The following PVT1 variants were observed in gnomAD, a reference collection of about 807,000 sequenced individuals.
PVT1 encodes the protein CXCR4/PVT1 fusion.
chr8:127,861,259 TTG>T (rs1256606713), intron 2 of PVT1, among the ~76,000 whole-genome samples: 1 of 152,212 alleles, frequency 6.6e-6, no homozygotes, highest in Non-Finnish European at 1.5e-5. Flanking sequence ...GTTGGGCCAC[TTG>T]TTTCTGATGG....
At chr8:127,942,060 A>G (rs143099583) in intron 3 of PVT1, among the ~76,000 whole-genome samples, 14 of 152,236 alleles carry the variant, frequency 9.2e-5, no homozygotes, top group Non-Finnish European at 2.1e-4. Context: ...AGGCCCACAG[A>G]TGTTGGGCCC....
At chr8:127,894,987 A>G (rs1288487910) in intron 3 of PVT1, among the ~76,000 whole-genome samples, 1 of 152,208 alleles carries the variant, frequency 6.6e-6, no homozygotes, top group Non-Finnish European at 1.5e-5. Flanking sequence ...ACAATCCTAT[A>G]ATTTGGCTCA....
chr8:128,012,817 A>G (rs912230777), intron 4 of PVT1, among the ~76,000 whole-genome samples: 1 of 152,076 alleles, frequency 6.6e-6, no homozygotes, highest in Non-Finnish European at 1.5e-5. Context: ...TGCAAAATCT[A>G]CTAATATCCA....
At chr8:127,987,711 A>T (rs1005444542) in intron 3 of PVT1, among the ~76,000 whole-genome samples, 3 of 152,210 alleles carry the variant, frequency 2.0e-5, no homozygotes, top group African/African-American at 7.2e-5. Context: ...TAGAACTGGG[A>T]CACCAACCCA....
rs76737686 is a variant in PVT1, at chr8:127,995,482, A to G, written n.912+6191A>G. On this transcript the variant is annotated intron_variant and non_coding_transcript_variant, in intron 4 of 10. Coordinates refer to ENST00000651587, the Ensembl canonical transcript of PVT1. ...CCCCCCACATTATAGGAATCTATCCATTTCTTTGTTCATTTCTTTAATTGT... is the reference window on the plus strand; with the variant it reads ...CCCCCCACATTATAGGAATCTATCCGTTTCTTTGTTCATTTCTTTAATTGT... Among the ~76,000 whole-genome samples the G allele has an allele frequency of 6.3e-3, 960 of 152,228 alleles. 14 individuals are homozygous for G. Among genetic ancestry groups the G allele is most frequent in the African/African-American group, 0.022 (926 of 41,528 alleles).
intron 2 of PVT1, among the ~76,000 whole-genome samples, chr8:127,884,845 C>A (rs1279609131): frequency 6.6e-6 from 1 of 152,190 alleles, no homozygotes; most frequent in Non-Finnish European, 1.5e-5. Context: ...AGCATCAGGG[C>A]AGTCCTTGCC....
chr8:127,952,986 G>A (rs10109391), intron 3 of PVT1, among the ~76,000 whole-genome samples: 49,780 of 151,790 alleles, frequency 0.33, 8,316 homozygotes, highest in East Asian at 0.49. Context: ...GGATGGTCTC[G>A]ATCTCCTGCC....
At chr8:128,095,053 G>C (rs867596226) in intron 5 of PVT1, among the ~76,000 whole-genome samples, 29 of 152,218 alleles carry the variant, frequency 1.9e-4, no homozygotes, top group African/African-American at 6.8e-4. Context: ...TGCTTTGGGC[G>C]TTTTAAAACT....
At chr8:127,847,218 G>C (rs1179168799) in intron 2 of PVT1, among the ~76,000 whole-genome samples, 1 of 90,342 alleles carries the variant, frequency 1.1e-5, no homozygotes, top group Non-Finnish European at 2.2e-5. Flanking sequence ...GGCCAGGATA[G>C]TCGAACTCTT....
intron 4 of PVT1, among the ~76,000 whole-genome samples, chr8:128,022,804 A>G (rs1357170315): frequency 1.3e-5 from 2 of 151,874 alleles, no homozygotes; most frequent in African/African-American, 4.8e-5. Flanking sequence ...CATTCCCTGT[A>G]TCTCATTCTG....
At chr8:127,810,915 CAT>C (rs1433368134) in intron 2 of PVT1, among the ~76,000 whole-genome samples, 1 of 152,232 alleles carries the variant, frequency 6.6e-6, no homozygotes, top group African/African-American at 2.4e-5. Context: ...CTCCCAGCAC[CAT>C]GTGTGTGAGT....
intron 2 of PVT1, among the ~76,000 whole-genome samples, chr8:127,853,402 C>T (rs534142744): frequency 5.8e-4 from 89 of 152,252 alleles, no homozygotes; most frequent in African/African-American, 2.1e-3. Context: ...CTCTTTAGCT[C>T]AGTCCAGTTG....
chr8:127,998,960 C>T (rs1485652949), intron 4 of PVT1, among the ~76,000 whole-genome samples: 1 of 152,022 alleles, frequency 6.6e-6, no homozygotes, highest in African/African-American at 2.4e-5. Context: ...ATAGAATCAG[C>T]CATTTCTTCA....
intron 2 of PVT1, among the ~76,000 whole-genome samples, chr8:127,885,328 A>G (rs1173812207): frequency 6.6e-6 from 1 of 152,022 alleles, no homozygotes; most frequent in African/African-American, 2.4e-5. Flanking sequence ...GTTTATTGCA[A>G]CCTGTCACAG....
At chr8:127,840,323 T>C (rs1283398589) in intron 2 of PVT1, among the ~76,000 whole-genome samples, 1 of 152,180 alleles carries the variant, frequency 6.6e-6, no homozygotes, top group African/African-American at 2.4e-5. Flanking sequence ...TCCTCCAATG[T>C]CTTCAGAGGA....
chr8:127,826,244 G>A (rs1814787570), intron 2 of PVT1, among the ~76,000 whole-genome samples: 1 of 151,850 alleles, frequency 6.6e-6, no homozygotes, highest in Non-Finnish European at 1.5e-5. Context: ...CTGTAAAATG[G>A]GAATAATAAT....
chr8:127,932,563 A>G (rs994916485), intron 3 of PVT1: 4 of 398,464 alleles, frequency 1.0e-5, no homozygotes, highest in Admixed American at 4.4e-5. Context: ...CCAGCCTGCT[A>G]TGGAAGCATC....
chr8:127,812,287 G>A (rs982971819), intron 2 of PVT1, among the ~76,000 whole-genome samples: 4 of 148,220 alleles, frequency 2.7e-5, no homozygotes, highest in African/African-American at 1.0e-4. Context: ...AGGAAGGAAG[G>A]AAGAGAATGA....
chr8:128,000,608 G>A (rs1817164668), intron 4 of PVT1, among the ~76,000 whole-genome samples: 1 of 152,240 alleles, frequency 6.6e-6, no homozygotes, highest in South Asian at 2.1e-4. Flanking sequence ...AAGGAAAACT[G>A]GCAGGTGGGA....
Sources: gnomAD v4.1 joint callset for allele counts (sites outside exome capture counted in the v4.1 genomes callset) on GRCh38, gnomAD v4.1.1 for gene constraint, MANE v1.5 for transcripts, NCBI Gene and HGNC (gene_info 2026-07-23, HGNC 2026-07-21) for gene names.